Variants in ASAP1 observed in about 807,000 individuals in gnomAD.
The protein encoded by ASAP1 is arf-GAP with SH3 domain, ANK repeat and PH domain-containing protein 1.
ASAP1 carries 43 observed loss-of-function variants against 145.2 expected under a neutral mutation model. That is an observed-to-expected ratio of 0.30 (90% CI 0.23 to 0.38). The LOEUF is 0.38. Ranked by LOEUF, ASAP1 falls within the 10% of genes least tolerant of loss-of-function variation. ASAP1 has a pLI of 1.00. For synonymous variants in ASAP1, 546 were observed against 515.5 expected, an observed-to-expected ratio of 1.06 and a Z score of -0.80; for missense variants, 1,018 against 1,355.3, an observed-to-expected ratio of 0.75 and a Z score of 3.91.
At chr8:130,058,131 A>G (rs1025908552) in intron 28 of ASAP1, 55 bp from the exon 29 acceptor site, 1 of 1,591,208 alleles carries the variant, frequency 6.3e-7, no homozygotes, top group Non-Finnish European at 8.6e-7. Context: ...GGAAAAAAAG[A>G]GCAGCGGTTC....
intron 3 of ASAP1, among the ~76,000 whole-genome samples, chr8:130,300,069 T>C (rs1822528033): frequency 6.8e-6 from 1 of 147,814 alleles, no homozygotes; most frequent in Non-Finnish European, 1.5e-5. Flanking sequence ...AAACAAGCTA[T>C]TAACACATAC....
intron 14 of ASAP1, among the ~76,000 whole-genome samples, chr8:130,136,626 C>T (rs1245478372): frequency 1.3e-5 from 2 of 149,656 alleles, no homozygotes; most frequent in Admixed American, 1.3e-4. Context: ...AGATCTAAGA[C>T]AGAAATGGGA....
At chr8:130,412,628 G>C (rs576981153) in intron 1 of ASAP1, among the ~76,000 whole-genome samples, 2 of 151,974 alleles carry the variant, frequency 1.3e-5, no homozygotes, top group Admixed American at 6.6e-5. Context: ...GAGTCTAGCA[G>C]AATAAATAAC....
intron 3 of ASAP1, among the ~76,000 whole-genome samples, chr8:130,352,263 G>C (rs1318267978): frequency 1.3e-5 from 2 of 149,122 alleles, no homozygotes; most frequent in Non-Finnish European, 3.0e-5. Flanking sequence ...TAATTAATGG[G>C]CTCCTTAAGT....
intron 7 of ASAP1, among the ~76,000 whole-genome samples, chr8:130,183,409 C>T (rs1160733311): frequency 6.6e-6 from 1 of 152,000 alleles, no homozygotes; most frequent in East Asian, 1.9e-4. Flanking sequence ...GGTCCGATCT[C>T]GGCTCACTAC....
intron 9 of ASAP1, among the ~76,000 whole-genome samples, chr8:130,177,614 T>TA (rs1814053312): frequency 6.6e-6 from 1 of 152,174 alleles, no homozygotes; most frequent in Admixed American, 6.5e-5. Flanking sequence ...TAAACAAACT[T>TA]AATCTTAAGA....
rs377046652 is a variant in ASAP1, at chr8:130,260,866, T to C, written c.187-23872A>G. On this transcript the variant is annotated intron_variant, in intron 3 of 29. Coordinates refer to ENST00000518721, the MANE Select transcript of ASAP1 (RefSeq NM_018482.4). ...AGATTTTTGGGAGAAAGAAGTTTTA[T>C]ATTAAAACAGACATAAACTATATTG... 7.9e-4 allele frequency among the ~76,000 whole-genome samples: 120 copies of C among 152,308 alleles called. 1 individual carries two copies. In the South Asian group the frequency reaches 0.025, roughly 31 times the overall value.
chr8:130,272,853 GGA>G (rs975955218), intron 3 of ASAP1, among the ~76,000 whole-genome samples: 11 of 152,058 alleles, frequency 7.2e-5, no homozygotes, highest in African/African-American at 2.4e-4. Context: ...TATGTAGGTG[GGA>G]GAGAGAGAGA....
chr8:130,354,117 C>T (rs1223148251), intron 3 of ASAP1, among the ~76,000 whole-genome samples: 1 of 152,182 alleles, frequency 6.6e-6, no homozygotes, highest in South Asian at 2.1e-4. Context: ...GTCTCGATCT[C>T]CTGGCCTCGT....
chr8:130,119,771 T>C (rs1004093651), intron 18 of ASAP1, among the ~76,000 whole-genome samples: 3 of 152,108 alleles, frequency 2.0e-5, no homozygotes, highest in African/African-American at 4.8e-5. Flanking sequence ...TGTGTGACCA[T>C]AGTAAACTGC....
Position 130,126,034 on chromosome 8 carries a change from G to A in ASAP1, c.1437C>T (p.Gly479=). The stretch of plus-strand genomic sequence containing the variant: ...TATGAACCCCCATTTCCCTATGGAT[G>A]CCAGAACATTCTATACAGGTCAAAA... ...LGILTCIECS[G]IHREMGVHIS... is the part of the protein sequence containing the mutation. The change falls in exon 17 of 30, where the codon GGC becomes GGT. Residue 479 remains glycine (G), a synonymous_variant. Transcript: ENST00000518721. 1 of 1,614,038 alleles carries A rather than the reference G, an allele frequency of 6.2e-7. No individual in the cohort carries two copies. The highest frequency in any genetic ancestry group is 8.5e-7 in the Non-Finnish European group (1 of 1,179,952).
intron 4 of ASAP1, among the ~76,000 whole-genome samples, chr8:130,228,723 A>T (rs989549781): frequency 4.6e-4 from 69 of 151,648 alleles, no homozygotes; most frequent in African/African-American, 1.5e-3. Flanking sequence ...AAAGAAAAAG[A>T]ATCTAAATAA....
chr8:130,366,262 G>C (rs993125109), intron 2 of ASAP1, among the ~76,000 whole-genome samples: 1 of 152,200 alleles, frequency 6.6e-6, no homozygotes, highest in Non-Finnish European at 1.5e-5. Context: ...AATTGTAACA[G>C]TATAAAGTTT....
intron 5 of ASAP1, among the ~76,000 whole-genome samples, chr8:130,197,634 T>C (rs1358682063): frequency 6.6e-6 from 1 of 152,184 alleles, no homozygotes; most frequent in Non-Finnish European, 1.5e-5. Context: ...GCAAAATGCC[T>C]GACACTACTG....
At chr8:130,130,141 C>A (rs147334564) in intron 15 of ASAP1, among the ~76,000 whole-genome samples, 61 of 152,256 alleles carry the variant, frequency 4.0e-4, no homozygotes, top group African/African-American at 1.4e-3. Flanking sequence ...AGATTGAACA[C>A]CCCAAATTTG....
At chr8:130,385,382 G>A (rs556731712) in intron 2 of ASAP1, among the ~76,000 whole-genome samples, 1 of 152,232 alleles carries the variant, frequency 6.6e-6, no homozygotes, top group Non-Finnish European at 1.5e-5. Flanking sequence ...CCCAGAGTTG[G>A]TGAATTAAGA....
Position 130,333,720 on chromosome 8 carries a change from C to T in ASAP1, c.186+24297G>A, listed in dbSNP as rs548414673. On this transcript the variant is annotated intron_variant, in intron 3 of 29. Transcript: ENST00000518721. ...AAAGGTTCATATACAAGTCACAACA[C>T]CAGAAGATTAATATTTTCGCCAATC... is the stretch of plus-strand genomic sequence containing the variant. Among the ~76,000 whole-genome samples, 5 of 152,312 alleles carry T rather than the reference C, an allele frequency of 3.3e-5. No homozygotes were observed. The South Asian group carries it at 1.0e-3, about 32-fold the overall frequency.
intron 9 of ASAP1, among the ~76,000 whole-genome samples, chr8:130,174,508 A>C (rs957895725): frequency 1.3e-5 from 2 of 152,200 alleles, no homozygotes; most frequent in Non-Finnish European, 2.9e-5. Context: ...TGTACCAGTC[A>C]CCGCACTATT....
At chr8:130,256,246 A>G (rs1819506570) in intron 3 of ASAP1, among the ~76,000 whole-genome samples, 2 of 152,184 alleles carry the variant, frequency 1.3e-5, no homozygotes, top group South Asian at 4.1e-4. Context: ...GAAGATGCAC[A>G]CTAACACTTC....
Sources: gnomAD v4.1 joint callset for allele counts (sites outside exome capture counted in the v4.1 genomes callset) on GRCh38, gnomAD v4.1.1 for gene constraint, MANE v1.5 for transcripts, NCBI Gene and HGNC (gene_info 2026-07-23, HGNC 2026-07-21) for gene names.